The following NFASC variants were observed in gnomAD, a reference collection of about 807,000 sequenced individuals.
NFASC encodes neurofascin, also known as neurofascin homolog.
NFASC carries 43 observed loss-of-function variants against 147.5 expected under a neutral mutation model. That is an observed-to-expected ratio of 0.29 (90% CI 0.23 to 0.38). The LOEUF (loss-of-function observed/expected upper bound fraction) is 0.38. Ranked by LOEUF, NFASC falls within the 10% of genes least tolerant of loss-of-function variation. The pLI is 1.00. For missense variants in NFASC, 1,320 were observed against 1,689.0 expected (o/e 0.78, Z 3.83); for synonymous variants, 622 against 665.5 (o/e 0.93, Z 1.01).
At chr1:204,856,223 G>A (rs911616349) in intron 1 of NFASC, among the ~76,000 whole-genome samples, 6 of 152,106 alleles carry the variant, frequency 3.9e-5, no homozygotes, top group African/African-American at 1.4e-4. Context: ...AGAGTACTGG[G>A]CAACAGGGTG....
intron 1 of NFASC, among the ~76,000 whole-genome samples, chr1:204,881,155 G>C (rs1159445291): frequency 6.6e-6 from 1 of 152,216 alleles, no homozygotes. Context: ...TGGTGCCTCA[G>C]CATGGCAGGC....
Position 204,950,587 on chromosome 1 carries a change from T to C in NFASC, c.109+13T>C, listed in dbSNP as rs2149928636. 1 of 1,610,598 alleles carries C rather than the reference T, an allele frequency of 6.2e-7. No homozygotes were observed. Among genetic ancestry groups the C allele is most frequent in the East Asian group, 2.2e-5 (1 of 44,834 alleles). On this transcript the variant is annotated intron_variant, in intron 4 of 29. Coordinates refer to ENST00000339876, the MANE Select transcript of NFASC (RefSeq NM_001005388.3). Reference sequence around the variant, plus strand: ...ATTCAGAATGAGCGTAAGTGCCCTGTGTGCCTCTCTGTGCCTCTGGGAGTT... The same window carrying C: ...ATTCAGAATGAGCGTAAGTGCCCTGCGTGCCTCTCTGTGCCTCTGGGAGTT...
chr1:205,004,275 G>A (rs2096061484), intron 27 of NFASC, among the ~76,000 whole-genome samples: 1 of 152,258 alleles, frequency 6.6e-6, no homozygotes, highest in Non-Finnish European at 1.5e-5. Flanking sequence ...GGCTGTGGGT[G>A]AGGGTTCAGG....
chr1:204,948,491 T>G (rs566589011), intron 3 of NFASC, among the ~76,000 whole-genome samples: 2 of 152,246 alleles, frequency 1.3e-5, no homozygotes, highest in African/African-American at 2.4e-5. Context: ...GTCTCCCCTC[T>G]CACTCACCCT....
chr1:204,992,659 G>C (rs1357627538), intron 24 of NFASC, among the ~76,000 whole-genome samples: 1 of 152,136 alleles, frequency 6.6e-6, no homozygotes. Flanking sequence ...TGAAGTTTAC[G>C]TAAGTCTCTC....
chr1:204,939,516 T>C (rs2093195527), intron 2 of NFASC, among the ~76,000 whole-genome samples: 2 of 152,196 alleles, frequency 1.3e-5, no homozygotes, highest in Admixed American at 6.5e-5. Context: ...TTCTTCAGGC[T>C]CAACCTACCC....
chr1:204,841,163 A>C (rs1426083439), intron 1 of NFASC, among the ~76,000 whole-genome samples: 1 of 152,226 alleles, frequency 6.6e-6, no homozygotes, highest in African/African-American at 2.4e-5. Context: ...ACTCTGTATC[A>C]GTGACTGTCC....
intron 1 of NFASC, among the ~76,000 whole-genome samples, chr1:204,906,904 G>T (rs12061589): frequency 0.36 from 54,037 of 151,552 alleles, 9,637 homozygotes; most frequent in Admixed American, 0.41. Context: ...AGGATGGTCT[G>T]CATCTCCTGA....
rs546342659 is a variant in NFASC, at chr1:204,968,105, T to A, written c.707-144T>A. ...GGGCTTCCTAACACACCTCACTTAA[T>A]GATGCCCAAGTCCTTGGGATGGTTT... On this transcript the variant is annotated intron_variant, in intron 8 of 29. Coordinates refer to ENST00000339876, the MANE Select transcript of NFASC (RefSeq NM_001005388.3). The surrounding 1 kb of genome is among the most constrained non-coding windows in gnomAD (Gnocchi z 5.4). The A allele has an allele frequency of 4.7e-6, 3 of 636,558 alleles. No individual in the cohort carries two copies. In the African/African-American group the frequency reaches 5.4e-5, roughly 12 times the overall value. The allele number at this position is 636,558 out of a possible 1,614,324, so 39.4% of individuals were successfully genotyped here.
chr1:204,997,140 AGACTC>A (rs2095861848), intron 24 of NFASC, 25 bp from the exon 25 acceptor site: 2 of 1,590,506 alleles, frequency 1.3e-6, no homozygotes, highest in Non-Finnish European at 1.7e-6. Flanking sequence ...CAAACCAACC[AGACTC>A]GGCTGTTTTA....
At chr1:204,873,460 A>G (rs2078124515) in intron 1 of NFASC, among the ~76,000 whole-genome samples, 1 of 151,912 alleles carries the variant, frequency 6.6e-6, no homozygotes, top group South Asian at 2.1e-4. Context: ...GAGAGAAACC[A>G]CTCCCGTGGT....
At chr1:204,930,168 A>C (rs146177826) in intron 2 of NFASC, among the ~76,000 whole-genome samples, 52 of 152,288 alleles carry the variant, frequency 3.4e-4, no homozygotes, top group African/African-American at 1.2e-3. Context: ...GGGGTGTCTG[A>C]ATCCCTCAAT....
intron 1 of NFASC, among the ~76,000 whole-genome samples, chr1:204,861,644 C>G (rs1382276954): frequency 6.6e-6 from 1 of 152,196 alleles, no homozygotes; most frequent in Non-Finnish European, 1.5e-5. Flanking sequence ...CTCCTGCCAC[C>G]ACGCCCGGCT....
intron 2 of NFASC, among the ~76,000 whole-genome samples, chr1:204,940,317 G>A (rs1411978577): frequency 6.6e-6 from 1 of 152,134 alleles, no homozygotes; most frequent in Admixed American, 6.5e-5. Context: ...GCTGGGTGTG[G>A]TGGCACATGC....
intron 1 of NFASC, among the ~76,000 whole-genome samples, chr1:204,871,361 G>A (rs2077661478): frequency 6.6e-6 from 1 of 152,192 alleles, no homozygotes; most frequent in South Asian, 2.1e-4. Flanking sequence ...AGAGGCCAAG[G>A]ACAAGGCTCC....
intron 1 of NFASC, among the ~76,000 whole-genome samples, chr1:204,841,371 A>G (rs189409793): frequency 6.6e-6 from 1 of 152,320 alleles, no homozygotes; most frequent in East Asian, 1.9e-4. Context: ...CGAGTTGATG[A>G]TCCCTTTGTT....
At chr1:204,994,413 C>G (rs1049329301) in intron 24 of NFASC, among the ~76,000 whole-genome samples, 1 of 152,198 alleles carries the variant, frequency 6.6e-6, no homozygotes, top group Non-Finnish European at 1.5e-5. Context: ...CCTCTGTCCC[C>G]CAGCTACTCA....
At chr1:205,002,080 C>T (rs1351309732) in intron 26 of NFASC, among the ~76,000 whole-genome samples, 2 of 152,172 alleles carry the variant, frequency 1.3e-5, no homozygotes, top group Admixed American at 6.5e-5. Context: ...TACCCCTATT[C>T]ACCCTACAGC....
intron 17 of NFASC, among the ~76,000 whole-genome samples, chr1:204,978,361 C>A (rs3892249): frequency 6.6e-6 from 1 of 152,070 alleles, no homozygotes; most frequent in Non-Finnish European, 1.5e-5. Flanking sequence ...TGCCCTCACC[C>A]CTGTTTGCAA....
Sources: allele counts gnomAD v4.1 joint callset (sites outside exome capture counted in the v4.1 genomes callset), GRCh38; gene constraint gnomAD v4.1.1; non-coding constraint Gnocchi (gnomAD v3.1); transcripts MANE v1.5; gene names NCBI Gene and HGNC (gene_info 2026-07-23, HGNC 2026-07-21).